Variants in IRAK2 observed in about 807,000 individuals in gnomAD.
IRAK2 encodes the protein interleukin-1 receptor-associated kinase-like 2.
A neutral mutation model predicts 72.0 loss-of-function variants in IRAK2; 57 were observed. The observed-to-expected ratio is 0.79, with a 90% CI of 0.64 to 0.99. The LOEUF (loss-of-function observed/expected upper bound fraction) is 0.99, where lower values mean the gene tolerates loss of function less well. IRAK2 is among the 50% of genes least tolerant of loss of function. The pLI, the probability that IRAK2 is intolerant of heterozygous loss-of-function variation, is 0.00. For synonymous variants in IRAK2, 293 were observed against 312.7 expected, an observed-to-expected ratio of 0.94 and a Z score of 0.67; for missense variants, 790 against 794.4, an observed-to-expected ratio of 0.99 and a Z score of 0.07.
At chr3:10,179,507 C>T (rs991917680) in intron 2 of IRAK2, among the ~76,000 whole-genome samples, 1 of 148,046 alleles carries the variant, frequency 6.8e-6, no homozygotes, top group Non-Finnish European at 1.5e-5. Flanking sequence ...GATCTCGGCT[C>T]ATTGCAGCCT....
At chr3:10,181,154 T>C (rs1696953198) in intron 2 of IRAK2, among the ~76,000 whole-genome samples, 2 of 151,842 alleles carry the variant, frequency 1.3e-5, no homozygotes, top group South Asian at 4.2e-4. Context: ...CTCCTCAGAG[T>C]GGAGAGGGTC....
At chr3:10,218,446 C>CAAACAAA (rs367761619) in intron 7 of IRAK2, among the ~76,000 whole-genome samples, 3 of 132,132 alleles carry the variant, frequency 2.3e-5, no homozygotes, top group African/African-American at 8.4e-5. Context: ...AAAAAAAAAA[C>CAAACAAA]CAAAACGGTG....
intron 1 of IRAK2, among the ~76,000 whole-genome samples, chr3:10,166,051 G>T (rs892196012): frequency 6.6e-6 from 1 of 151,814 alleles, no homozygotes; most frequent in Admixed American, 6.6e-5. Flanking sequence ...GATCTCAGGC[G>T]ATCCACCTGC....
chr3:10,227,308 C>T (rs535524730), intron 10 of IRAK2, among the ~76,000 whole-genome samples: 6 of 151,492 alleles, frequency 4.0e-5, no homozygotes, highest in South Asian at 4.2e-4. Context: ...ATTAGCCAAG[C>T]GTAGTGGCAC....
chr3:10,184,798 C>G (rs1440169146), intron 2 of IRAK2, among the ~76,000 whole-genome samples: 1 of 143,058 alleles, frequency 7.0e-6, no homozygotes, highest in South Asian at 2.3e-4. Flanking sequence ...GGCGCGATCT[C>G]GGCTCACTGC....
At chr3:10,173,503 A>G (rs972561838) in intron 1 of IRAK2, among the ~76,000 whole-genome samples, 1 of 152,226 alleles carries the variant, frequency 6.6e-6, no homozygotes, top group African/African-American at 2.4e-5. Flanking sequence ...TCCCCTCAAG[A>G]TCTCTATCAT....
chr3:10,166,408 G>C (rs755401291), intron 1 of IRAK2, among the ~76,000 whole-genome samples: 1 of 152,160 alleles, frequency 6.6e-6, no homozygotes, highest in Non-Finnish European at 1.5e-5. Flanking sequence ...TGGACTCTGC[G>C]GGGAGGCCGC....
At chr3:10,239,120 T>G (rs1698013517) in intron 12 of IRAK2, 81 bp downstream of exon 12, 1 of 1,249,926 alleles carries the variant, frequency 8.0e-7, no homozygotes. Context: ...TTCTGTTGCC[T>G]TCATTCACTC....
intron 2 of IRAK2, among the ~76,000 whole-genome samples, chr3:10,181,286 T>A (rs1298476597): frequency 1.3e-5 from 2 of 151,754 alleles, no homozygotes; most frequent in South Asian, 2.1e-4. Flanking sequence ...GTTGTCAGAA[T>A]CAATATGGAG....
chr3:10,187,652 A>G (rs1427764874), intron 2 of IRAK2, among the ~76,000 whole-genome samples: 1 of 152,222 alleles, frequency 6.6e-6, no homozygotes, highest in Non-Finnish European at 1.5e-5. Context: ...TACAATGCAT[A>G]CCAACTGTGA....
rs563493424 is a variant in IRAK2, at chr3:10,213,235, A to G, written c.557A>G (p.Glu186Gly). The G allele has an allele frequency of 3.1e-6, 5 of 1,614,130 alleles. No individual in the cohort carries two copies. The African/African-American group carries it at 6.7e-5, about 22-fold the overall frequency. Residue 186 changes from glutamate to glycine, a missense_variant, in exon 5 of 13, where the codon GAA becomes GGA. Transcript: ENST00000256458. Reference sequence around the variant, plus strand: ...TTCAGCACCTCCATTCCTAAGCAGGAAAAACTTTTGAGCTTGGCTGGAGAC... The same window carrying G: ...TTCAGCACCTCCATTCCTAAGCAGGGAAAACTTTTGAGCTTGGCTGGAGAC... ...KDFSTSIPKQEKLLSLAGDSL... is the reference protein window; with the variant it reads ...KDFSTSIPKQGKLLSLAGDSL...
intron 10 of IRAK2, among the ~76,000 whole-genome samples, chr3:10,233,775 T>A (rs1697904830): frequency 6.6e-6 from 1 of 152,204 alleles, no homozygotes; most frequent in Admixed American, 6.5e-5. Flanking sequence ...GACTATTGAA[T>A]GTTCCGTGTC....
At position 10,188,361 on chromosome 3, in the gene IRAK2, G is replaced by T. The variant is rs552595772; in HGVS notation, c.277+10341G>T. On this transcript the variant is annotated intron_variant, in intron 2 of 12. Coordinates refer to ENST00000256458, the MANE Select transcript of IRAK2 (RefSeq NM_001570.4). ...ACATTTTTTGTCTTTTTGAGATGGA[G>T]TCTCACGCTGTCACCTGGGCTGGAG... Among the ~76,000 whole-genome samples the T allele has an allele frequency of 5.9e-5, 9 of 152,284 alleles. No homozygotes were observed. In the East Asian group the frequency reaches 1.7e-3, roughly 29 times the overall value.
In IRAK2 at chr3:10,200,499, C is replaced by T. The variant is rs1477458705; in HGVS notation, c.408C>T (p.Ala136=). 64 of 1,573,644 alleles carry T rather than the reference C, an allele frequency of 4.1e-5. No individual in the cohort carries two copies. Among genetic ancestry groups the T allele is most frequent in the Non-Finnish European group, 5.3e-5 (61 of 1,158,220 alleles). Residue 136 remains alanine (A), a synonymous_variant, in exon 3 of 13, where the codon GCC becomes GCT. Transcript: ENST00000256458. ...EQEEGQPVRM[A]TFPGPGSSPA... ...AAGAGGGGCAGCCTGTGAGGATGGCCACCTTTCCAGGCCCAGGTATTTTAA... is the reference window on the plus strand; with the variant it reads ...AAGAGGGGCAGCCTGTGAGGATGGCTACCTTTCCAGGCCCAGGTATTTTAA...
At chr3:10,203,183 G>C (rs1459732762) in intron 3 of IRAK2, among the ~76,000 whole-genome samples, 1 of 152,022 alleles carries the variant, frequency 6.6e-6, no homozygotes, top group South Asian at 2.1e-4. Context: ...TTTTTGTAAA[G>C]ATGGGGTTTC....
intron 6 of IRAK2, among the ~76,000 whole-genome samples, 181 bp downstream of exon 6, chr3:10,213,729 G>C (rs1208293109): frequency 1.3e-5 from 2 of 152,118 alleles, no homozygotes; most frequent in East Asian, 3.8e-4. Flanking sequence ...GCACAGAGGG[G>C]TTAAATGTCT....
chr3:10,240,572 G>T (rs57293276), intron 12 of IRAK2, among the ~76,000 whole-genome samples: 26,579 of 39,538 alleles, frequency 0.67, 9,559 homozygotes, highest in East Asian at 0.99. Flanking sequence ...TTTTTTTTTT[G>T]TTTTGAGACA....
In IRAK2 at chr3:10,221,077, G is replaced by GCA. The variant is rs143843977; in HGVS notation, c.1013+1300_1013+1301dup. ...CACACACCCGTGCATTTGCGGGCGT[G>GCA]CACACACACACACGCTAAAAAAGTT... On this transcript the variant is annotated intron_variant, in intron 8 of 12. Transcript: ENST00000256458. Among the ~76,000 whole-genome samples the GCA allele has an allele frequency of 9.3e-5, 14 of 150,702 alleles. 1 individual carries two copies. The highest frequency in any genetic ancestry group is 4.2e-4 in the South Asian group (2 of 4,790).
intron 12 of IRAK2, among the ~76,000 whole-genome samples, chr3:10,241,378 T>A (rs1027130458): frequency 2.7e-5 from 4 of 148,194 alleles, no homozygotes; most frequent in Non-Finnish European, 6.0e-5. Flanking sequence ...GCTAAGATGG[T>A]GAAACCCCGT....
Sources: allele counts gnomAD v4.1 joint callset (sites outside exome capture counted in the v4.1 genomes callset), GRCh38; gene constraint gnomAD v4.1.1; transcripts MANE v1.5; gene names NCBI Gene and HGNC (gene_info 2026-07-23, HGNC 2026-07-21).